The following NPC1L1 variants were observed in gnomAD, a reference collection of about 807,000 sequenced individuals.
The protein encoded by NPC1L1 is NPC1 like intracellular cholesterol transporter 1.
In NPC1L1, 98 loss-of-function variants were observed where a neutral mutation model predicts 117.0. The observed-to-expected ratio is 0.84, with a 90% CI of 0.71 to 0.99. The LOEUF is 0.99. Among genes scored for constraint, NPC1L1 ranks in the 50% least tolerant of loss-of-function variants. The pLI is 0.00. For missense variants in NPC1L1, 1,540 were observed against 1,710.0 expected (o/e 0.90, Z 1.75); for synonymous variants, 729 against 727.6 (o/e 1.00, Z -0.03).
intron 18 of NPC1L1, 60 bp from the exon 19 acceptor site, chr7:44,513,709 A>G: frequency 6.3e-7 from 1 of 1,576,198 alleles, no homozygotes. Flanking sequence ...GTGAGAAGCT[A>G]TTCCTGGTTC....
At chr7:44,531,873 C>G (rs759000858) in intron 9 of NPC1L1, 29 bp from the exon 10 acceptor site, 6 of 1,556,328 alleles carry the variant, frequency 3.9e-6, no homozygotes, top group Non-Finnish European at 5.2e-6. Flanking sequence ...CATGAGACCA[C>G]CCTGCCCAAC....
chr7:44,516,057 C>A, intron 17 of NPC1L1, 27 bp downstream of exon 17: 1 of 1,606,998 alleles, frequency 6.2e-7, no homozygotes, highest in Non-Finnish European at 8.5e-7. Flanking sequence ...GAGTGGGGCA[C>A]AGGGTGGCCC....
intron 1 of NPC1L1, 29 bp from the exon 2 acceptor site, chr7:44,540,371 G>C (rs771262041): frequency 6.3e-7 from 1 of 1,599,904 alleles, no homozygotes; most frequent in East Asian, 2.2e-5. Context: ...TCACGCGTGG[G>C]CCCTGACACA....
chr7:44,536,156 A>C lies in NPC1L1; in HGVS notation c.1854+100T>G. ...CGTTCTGAGCAGGCAGCCACTGCCC[A>C]GGGTCACTTAGGAAGGGCCAGGGCC... is the stretch of plus-strand genomic sequence containing the variant. On this transcript the variant is annotated intron_variant, in intron 4 of 18. Transcript: ENST00000381160. The surrounding 1 kb of genome is among the most constrained non-coding windows in gnomAD (Gnocchi z 4.7). 6.4e-7 allele frequency: 1 copy of C among 1,573,084 alleles called. No homozygotes were observed. The highest frequency in any genetic ancestry group is 1.1e-5 in the South Asian group (1 of 89,934).
Position 44,539,631 on chromosome 7 carries a change from A to G in NPC1L1, c.766T>C (p.Cys256Arg), listed in dbSNP as rs1455948569. The change falls in exon 2 of 19, where the codon TGC (cysteine) becomes CGC (arginine). Residue 256 changes from cysteine to arginine, a missense_variant. Cys to Arg is a radical substitution (Grantham distance 180, BLOSUM62 -3). Around this residue, in one of 3 missense-constraint regions of NPC1L1, gnomAD observed 793 missense variants for 820.4 expected, o/e 0.97. Transcript: ENST00000381160. This position sits in a 1 kb window ranked among gnomAD's most constrained non-coding sequence, Gnocchi z 4.4. ...SQGDDVATCS[C>R]QDCAASCPAI... ...GGACAGGATGCAGCACAGTCTTGGCAGGAGCAGGTCGCCACGTCGTCACCT... is the reference window on the plus strand; with the variant it reads ...GGACAGGATGCAGCACAGTCTTGGCGGGAGCAGGTCGCCACGTCGTCACCT... 5.0e-6 allele frequency: 8 copies of G among 1,613,756 alleles called. No individual in the cohort carries two copies. The highest frequency in any genetic ancestry group is 6.8e-6 in the Non-Finnish European group (8 of 1,180,042).
chr7:44,531,065 GAC>G (rs1801684345), intron 10 of NPC1L1, among the ~76,000 whole-genome samples: 1 of 152,226 alleles, frequency 6.6e-6, no homozygotes, highest in South Asian at 2.1e-4. Flanking sequence ...CATGCAGTCT[GAC>G]CATGTGTCTC....
chr7:44,520,468 G>T (rs1248375517), intron 14 of NPC1L1, among the ~76,000 whole-genome samples: 2 of 152,206 alleles, frequency 1.3e-5, no homozygotes, highest in African/African-American at 4.8e-5. Context: ...TGCCCTTTGG[G>T]TGTAATTTGT....
Position 44,513,462 on chromosome 7 carries a change from A to G in NPC1L1, c.3984T>C (p.Asn1328=), listed in dbSNP as rs1002659936. The change falls in exon 19 of 19, where the codon AAT becomes AAC. Residue 1328 remains asparagine (N), a synonymous_variant. Transcript: ENST00000381160. ...TCTGGCTGTATCAGAACTGCCGCCC[A>G]TTGTTGGGCAAGAAGTTGCTGATGG... The part of the protein sequence containing the change: ...AGAISNFLPN[N]GRQF 1.2e-6 allele frequency: 2 copies of G among 1,614,152 alleles called. No homozygotes were observed. The highest frequency in any genetic ancestry group is 1.7e-6 in the Non-Finnish European group (2 of 1,180,014).
chr7:44,540,233 A>T lies in NPC1L1; in HGVS notation c.164T>A (p.Val55Glu), dbSNP rs368578635. Residue 55 changes from valine (V) to glutamate (E), a missense_variant, in exon 2 of 19, where the codon GTG becomes GAG. Transcript: ENST00000381160. ...LSGSLMTLSN[V>E]SCLSNTPARK... ...GGCCGGCGTGTTGGACAGGCAGGAC[A>T]CGTTGGAGAGTGTCATGAGGCTTCC... is the stretch of plus-strand genomic sequence containing the variant. 10 of 1,613,952 alleles carry T rather than the reference A, an allele frequency of 6.2e-6. No homozygotes were observed. Among genetic ancestry groups the T allele is most frequent in the Non-Finnish European group, 8.5e-6 (10 of 1,180,014 alleles).
intron 14 of NPC1L1, among the ~76,000 whole-genome samples, chr7:44,518,072 G>C (rs1052972859): frequency 6.6e-6 from 1 of 151,326 alleles, no homozygotes; most frequent in African/African-American, 2.4e-5. Context: ...CTGAGATCAT[G>C]CTACTGCACT....
chr7:44,538,762 G>T lies in NPC1L1; in HGVS notation c.1580+55C>A. 1 of 1,580,686 alleles carries T rather than the reference G, an allele frequency of 6.3e-7. No individual in the cohort carries two copies. Among genetic ancestry groups the T allele is most frequent in the Non-Finnish European group, 8.7e-7 (1 of 1,152,136 alleles). Reference sequence around the variant, plus strand: ...CCGGCCAGGTTCCCAGGAGGCCATGGCAGCCCAGCCCCAGCCCCAGCCCAC... The same window carrying T: ...CCGGCCAGGTTCCCAGGAGGCCATGTCAGCCCAGCCCCAGCCCCAGCCCAC... On this transcript the variant is annotated intron_variant, in intron 2 of 18. Coordinates refer to ENST00000381160, the MANE Select transcript of NPC1L1 (RefSeq NM_001101648.2). The surrounding 1 kb of genome is among the most constrained non-coding windows in gnomAD (Gnocchi z 5.9).
chr7:44,532,021 C>G (rs1801717062), intron 9 of NPC1L1, 59 bp downstream of exon 9: 1 of 1,613,128 alleles, frequency 6.2e-7, no homozygotes, highest in Admixed American at 1.7e-5. Context: ...ACCCTGCTCT[C>G]CCTGAGGCGA....
rs373996639 is a variant in NPC1L1 at position 44,522,098 on chromosome 7, A to C, written c.2782T>G (p.Phe928Val). 1 of 1,613,994 alleles carries C rather than the reference A, an allele frequency of 6.2e-7. No individual in the cohort carries two copies. Among genetic ancestry groups the C allele is most frequent in the Non-Finnish European group, 8.5e-7 (1 of 1,179,984 alleles). ...TACTGGATCTTCTGGGTGAAGGAGA[A>C]GTTGTTGCAGCCTGCACTGGAGCAG... is the stretch of plus-strand genomic sequence containing the variant. Reference protein sequence around the residue: ...AICSSAGCNNFSFTQKIQYAT... With the variant: ...AICSSAGCNNVSFTQKIQYAT... The change falls in exon 11 of 19, where the codon TTC (phenylalanine) becomes GTC (valine). Residue 928 changes from phenylalanine to valine, a missense_variant. Physicochemically the swap from Phe to Val is conservative, Grantham distance 50. Coordinates refer to ENST00000381160, the MANE Select transcript of NPC1L1 (RefSeq NM_001101648.2).
chr7:44,526,178 C>T (rs1312811125), intron 10 of NPC1L1, among the ~76,000 whole-genome samples: 1 of 151,404 alleles, frequency 6.6e-6, no homozygotes, highest in Non-Finnish European at 1.5e-5. Context: ...AAACAAACAA[C>T]AACAACAAAA....
chr7:44,539,438 T>C lies in NPC1L1; in HGVS notation c.959A>G (p.Lys320Arg), dbSNP rs371820969. The C allele has an allele frequency of 6.2e-7, 1 of 1,613,884 alleles. No homozygotes were observed. Among genetic ancestry groups the C allele is most frequent in the Non-Finnish European group, 8.5e-7 (1 of 1,179,978 alleles). ...ARDKSKMVDP[K>R]KGTSLSDKLS... The stretch of plus-strand genomic sequence containing the variant: ...CTTGTCAGAGAGGCTGGTGCCCTTC[T>C]TGGGGTCCACCATCTTGCTTTTGTC... The change falls in exon 2 of 19, where the codon AAG (lysine) becomes AGG (arginine). Residue 320 changes from lysine (K) to arginine (R), a missense_variant. Transcript: ENST00000381160. This position sits in a 1 kb window ranked among gnomAD's most constrained non-coding sequence, Gnocchi z 4.4.
intron 10 of NPC1L1, among the ~76,000 whole-genome samples, chr7:44,530,924 G>T (rs1563206945): frequency 1.3e-5 from 2 of 152,176 alleles, no homozygotes; most frequent in Non-Finnish European, 2.9e-5. Flanking sequence ...CCTGTTGTGG[G>T]CTCAGGCCTG....
At chr7:44,530,213 C>T (rs1205712805) in intron 10 of NPC1L1, among the ~76,000 whole-genome samples, 3 of 152,058 alleles carry the variant, frequency 2.0e-5, no homozygotes, top group Non-Finnish European at 4.4e-5. Flanking sequence ...TGGCGGCCAC[C>T]TGTAATCCCA....
In NPC1L1 at chr7:44,517,376, C is replaced by T; in HGVS notation, c.3137-19G>A. 6.2e-7 allele frequency: 1 copy of T among 1,608,092 alleles called. No individual in the cohort carries two copies. Among genetic ancestry groups the T allele is most frequent in the Non-Finnish European group, 8.5e-7 (1 of 1,179,992 alleles). On this transcript the variant is annotated intron_variant, in intron 14 of 18. Transcript: ENST00000381160. ...CTGGAGGCTGGACAGCCATGGCACA[C>T]AGAAGATGGAAGGGCAAAGGTCAGA...
In NPC1L1 at chr7:44,513,278, G is replaced by A. The variant is rs775779020; in HGVS notation, c.*169C>T. The A allele has an allele frequency of 1.0e-5, 7 of 687,806 alleles. No homozygotes were observed. Among genetic ancestry groups the A allele is most frequent in the Middle Eastern group, 3.8e-4 (1 of 2,618 alleles). The allele number at this position is 687,806 out of a possible 1,614,324, so 42.6% of individuals were successfully genotyped here. A position where few individuals can be genotyped will look rare whatever the true frequency, so the allele number is the denominator to read the frequency against. ...TATGGGAGCAGAGGAGCCATCAGTGGTGCTGCCTGGATACCTCAAGAGCAG... is the reference window on the plus strand; with the variant it reads ...TATGGGAGCAGAGGAGCCATCAGTGATGCTGCCTGGATACCTCAAGAGCAG... On this transcript the variant is annotated 3_prime_UTR_variant, in exon 19 of 19. Transcript: ENST00000381160.
Sources: allele counts gnomAD v4.1 joint callset (sites outside exome capture counted in the v4.1 genomes callset), GRCh38; gene constraint gnomAD v4.1.1; regional missense constraint gnomAD v4.1.1; non-coding constraint Gnocchi (gnomAD v3.1); transcripts MANE v1.5; gene names NCBI Gene and HGNC (gene_info 2026-07-23, HGNC 2026-07-21).